The following G3BP2 variants were observed in gnomAD, a reference collection of about 807,000 sequenced individuals.
G3BP2 encodes ras GTPase-activating protein-binding protein 2.
A neutral mutation model predicts 56.7 loss-of-function variants in G3BP2; 11 were observed. That is an observed-to-expected ratio of 0.19 (90% CI 0.12 to 0.32). The LOEUF is 0.32. Among genes scored for constraint, G3BP2 ranks in the 10% least tolerant of loss-of-function variants. The pLI, the probability that G3BP2 is intolerant of heterozygous loss-of-function variation, is 1.00. For missense variants in G3BP2, 340 were observed against 610.9 expected, an observed-to-expected ratio of 0.56 and a Z score of 4.67; for synonymous variants, 165 against 191.6, an observed-to-expected ratio of 0.86 and a Z score of 1.15.
chr4:75,695,947 C>T (rs765236380), intron 3 of G3BP2, among the ~76,000 whole-genome samples: 2 of 141,890 alleles, frequency 1.4e-5, no homozygotes, highest in Non-Finnish European at 3.0e-5. Context: ...TCACTCCAGA[C>T]TGGGCCACAA....
At chr4:75,673,693 C>CAGAACACAGCCAGT, upstream of G3BP2, 1 of 1,120,052 alleles carries the variant, frequency 8.9e-7, no homozygotes, top group Non-Finnish European at 1.1e-6. Context: ...AGCCTTGCCG[C>CAGAACACAGCCAGT]CCTTCTTCCT....
intron 3 of G3BP2, among the ~76,000 whole-genome samples, chr4:75,705,409 A>G (rs1397508293): frequency 6.6e-6 from 1 of 152,250 alleles, no homozygotes; most frequent in African/African-American, 2.4e-5. Context: ...GACCAGAGCC[A>G]TATTAAGTCA....
chr4:75,651,820 A>G (rs1036593985), intron 8 of G3BP2, among the ~76,000 whole-genome samples: 3 of 152,216 alleles, frequency 2.0e-5, no homozygotes, highest in Non-Finnish European at 4.4e-5. Flanking sequence ...ACCACAAATA[A>G]TAAGCCCTTC....
intron 2 of G3BP2, 80 bp downstream of exon 2, chr4:75,661,851 G>C (rs1732593639): frequency 2.9e-6 from 2 of 694,566 alleles, no homozygotes; most frequent in African/African-American, 3.6e-5. Context: ...ATAATGAGGA[G>C]ACAGGAAATG....
intron 8 of G3BP2, among the ~76,000 whole-genome samples, chr4:75,649,462 C>T (rs1437706361): frequency 6.6e-6 from 1 of 152,174 alleles, no homozygotes; most frequent in African/African-American, 2.4e-5. Context: ...AGTAATAGGA[C>T]AGTTTAAGAT....
chr4:75,686,634 T>C (rs1578429071), intron 3 of G3BP2, among the ~76,000 whole-genome samples: 1 of 152,172 alleles, frequency 6.6e-6, no homozygotes, highest in East Asian at 1.9e-4. Context: ...AATTCAGTAT[T>C]ACCACAAGAT....
At chr4:75,670,031 T>C (rs1250442078) in intron 1 of G3BP2, among the ~76,000 whole-genome samples, 1 of 152,216 alleles carries the variant, frequency 6.6e-6, no homozygotes, top group East Asian at 1.9e-4. Context: ...GGGCGGAGGT[T>C]GCAGTGAGCT....
At chr4:75,683,328 A>G (rs1344613098) in intron 3 of G3BP2, among the ~76,000 whole-genome samples, 3 of 152,192 alleles carry the variant, frequency 2.0e-5, no homozygotes, top group African/African-American at 7.2e-5. Flanking sequence ...TTGTGAGGCC[A>G]AGGCGGGCAG....
At chr4:75,650,084 T>C (rs921286600) in intron 8 of G3BP2, among the ~76,000 whole-genome samples, 3 of 152,060 alleles carry the variant, frequency 2.0e-5, no homozygotes, top group Admixed American at 1.3e-4. Context: ...CGGCTCAAAC[T>C]CTTTAATCAT....
chr4:75,686,603 CAT>C (rs1366410188), intron 3 of G3BP2, among the ~76,000 whole-genome samples: 2 of 151,492 alleles, frequency 1.3e-5, no homozygotes, highest in Admixed American at 6.6e-5. Flanking sequence ...ACAGCACTAA[CAT>C]GTGCTGGCAA....
At chr4:75,693,320 G>C (rs992663072) in intron 3 of G3BP2, among the ~76,000 whole-genome samples, 3 of 152,158 alleles carry the variant, frequency 2.0e-5, no homozygotes, top group Admixed American at 6.6e-5. Context: ...AAAGACGACA[G>C]TCTGGCAACA....
Position 75,695,990 on chromosome 4 carries a change from AAAAAAAAAAAAG to A in G3BP2, c.-25+24875_-25+24886del, listed in dbSNP as rs1434514856. 4.3e-4 allele frequency among the ~76,000 whole-genome samples: 58 copies of A among 135,968 alleles called. 2 individuals carry two copies. The highest frequency in any genetic ancestry group is 1.4e-3 in the African/African-American group (51 of 36,364). 89.2% of individuals were successfully genotyped at this position (135,968 alleles called of 152,430 possible). Reference sequence around the variant, plus strand: ...ACTCTGTCTCAAAAAAAAAAAAAAAAAAAAAAAAAAAGAGTTAACAGAAAAGCACCTGAGATG... The same window carrying A: ...ACTCTGTCTCAAAAAAAAAAAAAAAAAGTTAACAGAAAAGCACCTGAGATG... On this transcript the variant is annotated intron_variant, in intron 3 of 3. Coordinates refer to the G3BP2 transcript ENST00000499709.
Position 75,654,084 on chromosome 4 carries a change from GC to G in G3BP2, c.727-4del. 1 of 1,405,130 alleles carries G rather than the reference GC, an allele frequency of 7.1e-7. No individual in the cohort carries two copies. The highest frequency in any genetic ancestry group is 1.0e-6 in the Non-Finnish European group (1 of 990,180). 87.0% of individuals were successfully genotyped at this position (1,405,130 alleles called of 1,614,324 possible). ...GTCACTGAAGCCCAGGAGAAAGCCT[GC>G]AGGAAATGCAACAAACCTAGACTAC... is the stretch of plus-strand genomic sequence containing the variant. On this transcript the variant is annotated splice_polypyrimidine_tract_variant and splice_region_variant and intron_variant, in intron 7 of 11. Transcript: ENST00000359707.
chr4:75,663,474 C>T (rs887115485), intron 1 of G3BP2, among the ~76,000 whole-genome samples: 3 of 152,126 alleles, frequency 2.0e-5, no homozygotes, highest in Non-Finnish European at 4.4e-5. Context: ...CGAGGTCTGG[C>T]TACAATGCCC....
intron 8 of G3BP2, among the ~76,000 whole-genome samples, chr4:75,651,429 T>C (rs975888183): frequency 6.6e-6 from 1 of 152,182 alleles, no homozygotes; most frequent in Non-Finnish European, 1.5e-5. Flanking sequence ...TAAAAACAGA[T>C]AAAGTTAAAT....
chr4:75,665,249 T>C (rs1320792070), intron 1 of G3BP2, among the ~76,000 whole-genome samples: 2 of 152,130 alleles, frequency 1.3e-5, no homozygotes, highest in African/African-American at 2.4e-5. Context: ...TAACTGTCCT[T>C]CTTAAACTCT....
At chr4:75,721,860 TCA>T (rs774843596) in intron 2 of G3BP2, among the ~76,000 whole-genome samples, 155 of 152,302 alleles carry the variant, frequency 1.0e-3, no homozygotes, top group African/African-American at 3.5e-3. Context: ...TAGAAAAAGA[TCA>T]CTCTTAATTT....
intron 3 of G3BP2, among the ~76,000 whole-genome samples, chr4:75,678,665 G>C (rs1483520077): frequency 6.6e-6 from 1 of 152,118 alleles, no homozygotes; most frequent in Admixed American, 6.6e-5. Context: ...AAATAAAAAA[G>C]AATCTGGGCT....
chr4:75,668,389 G>A (rs778474423), intron 1 of G3BP2, among the ~76,000 whole-genome samples: 57 of 152,254 alleles, frequency 3.7e-4, no homozygotes, highest in Non-Finnish European at 7.1e-4. Context: ...CTATAATGGG[G>A]CTGCCTCCAA....
Sources: gnomAD v4.1 joint callset for allele counts (sites outside exome capture counted in the v4.1 genomes callset) on GRCh38, gnomAD v4.1.1 for gene constraint, MANE v1.5 for transcripts, NCBI Gene and HGNC (gene_info 2026-07-23, HGNC 2026-07-21) for gene names.